Variants in SETD2 observed in about 807,000 individuals in gnomAD.
SETD2 encodes the protein SET domain containing 2, histone lysine methyltransferase.
SETD2 carries 31 observed loss-of-function variants against 242.1 expected under a neutral mutation model. That is an observed-to-expected ratio of 0.13 (90% CI 0.10 to 0.17). SETD2 has a LOEUF of 0.17. Among genes scored for constraint, SETD2 ranks in the 10% least tolerant of loss-of-function variants. The probability of loss-of-function intolerance (pLI) is 1.00; values close to 1 mark genes in which losing one functional copy is unlikely to be tolerated. For synonymous variants in SETD2, 1,006 were observed against 1,066.5 expected, an observed-to-expected ratio of 0.94 and a Z score of 1.11; for missense variants, 2,481 against 3,046.3, an observed-to-expected ratio of 0.81 and a Z score of 4.37.
intron 2 of SETD2, among the ~76,000 whole-genome samples, chr3:47,125,079 G>A (rs927836771): frequency 6.6e-6 from 1 of 152,066 alleles, no homozygotes; most frequent in African/African-American, 2.4e-5. Flanking sequence ...AGCACCTTGG[G>A]AGGCCGAGGC....
rs1222926375 is a variant in SETD2 at position 47,122,087 on chromosome 3, T to G, written c.2549A>C (p.Glu850Ala). ...NLTDHSKFACEEYKQSIGSTS... is the reference protein window; with the variant it reads ...NLTDHSKFACAEYKQSIGSTS... ...GCTACCGATGCTCTGCTTATATTCTTCACATGCAAATTTTGAGTGATCTGT... is the reference window on the plus strand; with the variant it reads ...GCTACCGATGCTCTGCTTATATTCTGCACATGCAAATTTTGAGTGATCTGT... The change falls in exon 3 of 21, where the codon GAA becomes GCA. Residue 850 changes from glutamate (E) to alanine (A), a missense_variant. Around this residue, in one of 17 missense-constraint regions of SETD2, gnomAD observed 1,300 missense variants for 1,259.2 expected, o/e 1.03. Transcript: ENST00000409792. The G allele has an allele frequency of 3.7e-6, 6 of 1,613,962 alleles. No individual in the cohort carries two copies. The highest frequency in any genetic ancestry group is 5.1e-6 in the Non-Finnish European group (6 of 1,179,996).
intron 1 of SETD2, among the ~76,000 whole-genome samples, chr3:47,132,306 T>C (rs2043497104): frequency 6.6e-6 from 1 of 151,962 alleles, no homozygotes; most frequent in Non-Finnish European, 1.5e-5. Context: ...CTAATATTTT[T>C]TGAGACAAAG....
At chr3:47,031,863 C>T (rs973990070) in intron 18 of SETD2, among the ~76,000 whole-genome samples, 2 of 152,042 alleles carry the variant, frequency 1.3e-5, no homozygotes, top group African/African-American at 4.8e-5. Flanking sequence ...ATAACATTAG[C>T]AAATCTATTA....
In SETD2 at chr3:47,126,653, TTTC is replaced by T. The variant is rs1169474201; in HGVS notation, c.79_81del (p.Glu27del). 2 of 1,341,344 alleles carry T rather than the reference TTTC, an allele frequency of 1.5e-6. No homozygotes were observed. The highest frequency in any genetic ancestry group is 2.1e-6 in the Non-Finnish European group (2 of 960,124). The allele number at this position is 1,341,344 out of a possible 1,614,324, so 83.1% of individuals were successfully genotyped here. On this transcript the variant is annotated inframe_deletion, in exon 2 of 21. Coordinates refer to ENST00000409792, the MANE Select transcript of SETD2 (RefSeq NM_014159.7). The stretch of plus-strand genomic sequence containing the variant: ...ACTAGTTAAATTATACTTACCTCAT[TTTC>T]TTCTTCTCTATTTCCATTCAGCCAA...
chr3:47,095,995 A>G (rs1190035682), intron 9 of SETD2, among the ~76,000 whole-genome samples: 1 of 152,104 alleles, frequency 6.6e-6, no homozygotes, highest in Non-Finnish European at 1.5e-5. Context: ...GGCTCAAGCT[A>G]TCCTCCCGCC....
At chr3:47,040,986 A>G (rs1228646690) in intron 17 of SETD2, among the ~76,000 whole-genome samples, 2 of 152,230 alleles carry the variant, frequency 1.3e-5, no homozygotes. Flanking sequence ...TTTGCCCAAC[A>G]ATTCCACTTC....
chr3:47,038,551 G>C (rs1379549016), intron 17 of SETD2, among the ~76,000 whole-genome samples: 2 of 152,032 alleles, frequency 1.3e-5, no homozygotes, highest in Non-Finnish European at 1.5e-5. Context: ...GGAGGCGGAG[G>C]TTGCAGTGAG....
chr3:47,131,962 G>C (rs2043487731), intron 1 of SETD2, among the ~76,000 whole-genome samples: 1 of 150,808 alleles, frequency 6.6e-6, no homozygotes, highest in African/African-American at 2.4e-5. Context: ...ATTTTTAGTA[G>C]AGACAGGGTT....
intron 16 of SETD2, among the ~76,000 whole-genome samples, chr3:47,043,315 T>C (rs531843628): frequency 1.3e-5 from 2 of 152,276 alleles, no homozygotes; most frequent in South Asian, 4.1e-4. Flanking sequence ...TGAGGACTTT[T>C]TATCTAATAG....
intron 5 of SETD2, among the ~76,000 whole-genome samples, chr3:47,112,646 G>A (rs1266239171): frequency 6.6e-6 from 1 of 150,720 alleles, no homozygotes; most frequent in Non-Finnish European, 1.5e-5. Flanking sequence ...CTAGAGGGCA[G>A]TGGCATGATC....
At chr3:47,058,680 T>C (rs1176024515) in intron 14 of SETD2, among the ~76,000 whole-genome samples, 1 of 151,708 alleles carries the variant, frequency 6.6e-6, no homozygotes, top group African/African-American at 2.4e-5. Flanking sequence ...AAATGCTATA[T>C]ACTATATATC....
intron 12 of SETD2, among the ~76,000 whole-genome samples, chr3:47,068,493 CTTT>C (rs573954456): frequency 2.4e-3 from 266 of 108,682 alleles, no homozygotes; most frequent in African/African-American, 6.5e-3. Flanking sequence ...AATACACTAT[CTTT>C]TTTTTTTTTT....
intron 18 of SETD2, among the ~76,000 whole-genome samples, chr3:47,028,417 G>A (rs1559643564): frequency 6.6e-6 from 1 of 152,204 alleles, no homozygotes; most frequent in African/African-American, 2.4e-5. Flanking sequence ...CAGCTAAAGT[G>A]AAGAGATATC....
rs1191196844 is a variant in SETD2 at position 47,117,285 on chromosome 3, C to CAAAA, written c.4455-535_4455-532dup. 2.4e-4 allele frequency among the ~76,000 whole-genome samples: 6 copies of CAAAA among 24,796 alleles called. No individual in the cohort carries two copies. In the South Asian group the frequency reaches 6.4e-3, roughly 27 times the overall value. The allele number at this position is 24,796 out of a possible 152,430, so 16.3% of individuals were successfully genotyped here. Reference sequence around the variant, plus strand: ...CCAAAAAAAAAAAAAAAAAAACAAACAAAAAAAAAAACATGAGAAGGGCAA... The same window carrying CAAAA: ...CCAAAAAAAAAAAAAAAAAAACAAACAAAAAAAAAAAAAAACATGAGAAGGGCAA... On this transcript the variant is annotated intron_variant, in intron 3 of 20. Coordinates refer to ENST00000409792, the MANE Select transcript of SETD2 (RefSeq NM_014159.7).
chr3:47,139,718 C>T (rs539437495), intron 1 of SETD2, among the ~76,000 whole-genome samples: 12 of 151,926 alleles, frequency 7.9e-5, no homozygotes, highest in African/African-American at 1.4e-4. Flanking sequence ...AACAAGGACA[C>T]GTGAAGACAA....
At chr3:47,150,852 T>C (rs1435097517) in intron 1 of SETD2, among the ~76,000 whole-genome samples, 2 of 150,650 alleles carry the variant, frequency 1.3e-5, no homozygotes, top group Non-Finnish European at 2.9e-5. Context: ...CCTGGGAGGT[T>C]GAGGCTGCAG....
Position 47,120,673 on chromosome 3 carries a change from A to G in SETD2, c.3963T>C (p.Asp1321=), listed in dbSNP as rs2107744561. The change falls in exon 3 of 21, where the codon GAT becomes GAC. Residue 1321 remains aspartate (D), a synonymous_variant. Coordinates refer to ENST00000409792, the MANE Select transcript of SETD2 (RefSeq NM_014159.7). The part of the protein sequence containing the change: ...GRPPGTGVVY[D]RTQGQVPDSL... ...AATCTGGTACTTGTCCTTGAGTTCG[A>G]TCATACACAACCCCAGTTCCAGGAG... is the stretch of plus-strand genomic sequence containing the variant. The G allele has an allele frequency of 6.2e-7, 1 of 1,614,120 alleles. No homozygotes were observed. Among genetic ancestry groups the G allele is most frequent in the East Asian group, 2.2e-5 (1 of 44,884 alleles).
chr3:47,050,359 G>A (rs1467687484), intron 15 of SETD2, among the ~76,000 whole-genome samples: 1 of 152,034 alleles, frequency 6.6e-6, no homozygotes, highest in Admixed American at 6.6e-5. Flanking sequence ...ATGTCAGAAG[G>A]CCAGAAGAAT....
intron 18 of SETD2, among the ~76,000 whole-genome samples, chr3:47,033,342 T>A (rs970959606): frequency 1.3e-5 from 2 of 152,222 alleles, no homozygotes; most frequent in Non-Finnish European, 2.9e-5. Flanking sequence ...CTGGTTGAGT[T>A]TCTTCTATGC....
Sources: allele counts gnomAD v4.1 joint callset (sites outside exome capture counted in the v4.1 genomes callset), GRCh38; gene constraint gnomAD v4.1.1; regional missense constraint gnomAD v4.1.1; transcripts MANE v1.5; gene names NCBI Gene and HGNC (gene_info 2026-07-23, HGNC 2026-07-21).